The following PDE4D variants were observed in gnomAD, a reference collection of about 807,000 sequenced individuals.
PDE4D encodes the protein 3',5'-cyclic-AMP phosphodiesterase 4D.
Under a neutral mutation model 87.4 loss-of-function variants are expected in PDE4D, and 24 were observed. The ratio of observed to expected loss-of-function variants is 0.27; its 90% confidence interval spans 0.20 to 0.39. The LOEUF (loss-of-function observed/expected upper bound fraction) is 0.39. Ranked by LOEUF, PDE4D falls within the 10% of genes least tolerant of loss-of-function variation. The probability of loss-of-function intolerance (pLI) is 1.00; values close to 1 mark genes in which losing one functional copy is unlikely to be tolerated. For missense variants in PDE4D, 714 were observed against 1,041.0 expected, an observed-to-expected ratio of 0.69 and a Z score of 4.32; for synonymous variants, 384 against 383.2, an observed-to-expected ratio of 1.00 and a Z score of -0.02.
At chr5:60,238,497 C>G (rs1746685355) in intron 1 of PDE4D, among the ~76,000 whole-genome samples, 1 of 151,928 alleles carries the variant, frequency 6.6e-6, no homozygotes, top group Admixed American at 6.6e-5. Context: ...CTGACTTTTC[C>G]AATTGGTTTT....
At chr5:59,782,830 A>C (rs1188598639) in intron 1 of PDE4D, among the ~76,000 whole-genome samples, 2 of 152,226 alleles carry the variant, frequency 1.3e-5, no homozygotes, top group Non-Finnish European at 2.9e-5. Context: ...GTGGGAATAA[A>C]GACCAGCAAT....
chr5:59,816,193 T>A (rs1344085565), intron 1 of PDE4D, among the ~76,000 whole-genome samples: 1 of 152,228 alleles, frequency 6.6e-6, no homozygotes, highest in Non-Finnish European at 1.5e-5. Flanking sequence ...TTGGAATGTA[T>A]GTAAACAAAA....
At chr5:59,605,189 G>T (rs937262932) in intron 1 of PDE4D, among the ~76,000 whole-genome samples, 2 of 152,010 alleles carry the variant, frequency 1.3e-5, no homozygotes, top group Non-Finnish European at 2.9e-5. Context: ...CAATTATATA[G>T]ATTTATAAAA....
chr5:58,984,142 T>C (rs1402180359), intron 11 of PDE4D, among the ~76,000 whole-genome samples: 1 of 152,112 alleles, frequency 6.6e-6, no homozygotes, highest in African/African-American at 2.4e-5. Flanking sequence ...TAAACATAAA[T>C]CTTCAAAAGG....
At chr5:60,168,975 A>G (rs1783171381) in intron 2 of PDE4D, among the ~76,000 whole-genome samples, 1 of 152,120 alleles carries the variant, frequency 6.6e-6, no homozygotes, top group South Asian at 2.1e-4. Context: ...ATACCACTAG[A>G]GCTCTTGTTG....
chr5:59,000,112 T>C (rs1750187911), intron 6 of PDE4D, among the ~76,000 whole-genome samples: 1 of 152,160 alleles, frequency 6.6e-6, no homozygotes, highest in Admixed American at 6.5e-5. Context: ...CAAACGCCAT[T>C]GAATAATGGT....
intron 1 of PDE4D, among the ~76,000 whole-genome samples, chr5:59,251,854 G>C (rs1473112854): frequency 3.3e-5 from 5 of 152,120 alleles, no homozygotes; most frequent in African/African-American, 1.2e-4. Context: ...CCATAAAAAA[G>C]AATGAGATCA....
intron 1 of PDE4D, among the ~76,000 whole-genome samples, chr5:59,244,394 T>C (rs1758322177): frequency 6.6e-6 from 1 of 151,302 alleles, no homozygotes. Context: ...CGACTTCATC[T>C]CAAAAAATAA....
At chr5:59,483,744 C>T (rs144741290) in intron 1 of PDE4D, among the ~76,000 whole-genome samples, 1 of 152,246 alleles carries the variant, frequency 6.6e-6, no homozygotes, top group Non-Finnish European at 1.5e-5. Context: ...AAGGCTGCAA[C>T]CTGCTAAGGC....
rs536778513 is a variant in PDE4D at position 59,653,490 on chromosome 5, A to T, written c.455+239678T>A. Among the ~76,000 whole-genome samples the T allele has an allele frequency of 4.1e-4, 62 of 152,282 alleles. 1 individual carries two copies. In the South Asian group the frequency reaches 5.4e-3, roughly 13 times the overall value. ...ACTAAATTCCTAAGAGATCATTTGAATCCACCGTAGTGAAAGTGATGTTTA... is the reference window on the plus strand; with the variant it reads ...ACTAAATTCCTAAGAGATCATTTGATTCCACCGTAGTGAAAGTGATGTTTA... On this transcript the variant is annotated intron_variant, in intron 1 of 14. Coordinates refer to ENST00000340635, the MANE Select transcript of PDE4D (RefSeq NM_001104631.2).
intron 1 of PDE4D, among the ~76,000 whole-genome samples, chr5:59,717,710 T>C (rs1037103088): frequency 1.3e-5 from 2 of 152,198 alleles, no homozygotes; most frequent in African/African-American, 4.8e-5. Context: ...TTAGAAACAT[T>C]TAAGTTTCCA....
intron 2 of PDE4D, among the ~76,000 whole-genome samples, chr5:60,062,346 T>A (rs368398920): frequency 1.4e-4 from 21 of 151,710 alleles, no homozygotes; most frequent in African/African-American, 5.1e-4. Context: ...GAAATGCAAA[T>A]CAAAACCACA....
At chr5:60,016,078 T>C (rs573939451) in intron 2 of PDE4D, among the ~76,000 whole-genome samples, 6 of 151,874 alleles carry the variant, frequency 4.0e-5, no homozygotes, top group African/African-American at 1.2e-4. Context: ...CATACATATA[T>C]ATACACATAC....
chr5:59,321,939 A>C (rs1774802585), intron 1 of PDE4D, among the ~76,000 whole-genome samples: 1 of 152,154 alleles, frequency 6.6e-6, no homozygotes, highest in African/African-American at 2.4e-5. Flanking sequence ...GGATTGATTG[A>C]ATACAACTTT....
intron 1 of PDE4D, among the ~76,000 whole-genome samples, chr5:60,266,283 T>A (rs1750198827): frequency 6.6e-6 from 1 of 152,272 alleles, no homozygotes; most frequent in Middle Eastern, 3.4e-3. Context: ...CAGCAGGATA[T>A]TGGAAAGCCC....
At chr5:60,259,846 G>A (rs1434140378) in intron 1 of PDE4D, among the ~76,000 whole-genome samples, 1 of 151,986 alleles carries the variant, frequency 6.6e-6, no homozygotes, top group Non-Finnish European at 1.5e-5. Context: ...AGAGCCCTGA[G>A]TGACCTCCTG....
intron 1 of PDE4D, among the ~76,000 whole-genome samples, chr5:60,271,980 T>TC (rs1750860286): frequency 6.6e-6 from 1 of 152,164 alleles, no homozygotes; most frequent in South Asian, 2.1e-4. Flanking sequence ...CTAGAGCAAT[T>TC]CCTTTGTGGC....
chr5:59,059,222 C>A (rs761068354), intron 5 of PDE4D, among the ~76,000 whole-genome samples: 12 of 152,164 alleles, frequency 7.9e-5, no homozygotes, highest in Non-Finnish European at 1.6e-4. Flanking sequence ...ATAAACCCCA[C>A]TGGAAATTAA....
chr5:59,711,778 G>A (rs1263546724), intron 1 of PDE4D, among the ~76,000 whole-genome samples: 1 of 151,866 alleles, frequency 6.6e-6, no homozygotes, highest in Non-Finnish European at 1.5e-5. Context: ...ACTTCTTGTT[G>A]ACATCTCAAC....
Sources: gnomAD v4.1 joint callset for allele counts (sites outside exome capture counted in the v4.1 genomes callset) on GRCh38, gnomAD v4.1.1 for gene constraint, MANE v1.5 for transcripts, NCBI Gene and HGNC (gene_info 2026-07-23, HGNC 2026-07-21) for gene names.